The following KPNA3 variants were observed in gnomAD, a reference collection of about 807,000 sequenced individuals.
KPNA3 encodes the protein importin subunit alpha-4.
KPNA3 carries 13 observed loss-of-function variants against 73.8 expected under a neutral mutation model. The ratio of observed to expected loss-of-function variants is 0.18; its 90% CI spans 0.11 to 0.28. KPNA3 has a LOEUF of 0.28. Among genes scored for constraint, KPNA3 ranks in the 10% least tolerant of loss-of-function variants. KPNA3 has a pLI of 1.00. For missense variants in KPNA3, 360 were observed against 618.1 expected, an observed-to-expected ratio of 0.58 and a Z score of 4.43; for synonymous variants, 186 against 206.9, an observed-to-expected ratio of 0.90 and a Z score of 0.87.
rs146735944 is a variant in KPNA3, at chr13:49,701,570, G to C, written c.*230C>G. On this transcript the variant is annotated 3_prime_UTR_variant, in exon 17 of 17. Transcript: ENST00000261667. ...AGGGAAAAATAGGGTAGTTGAGATT[G>C]TTAAGGAGAGTTCTAAAACAGTTTA... 2 of 628,444 alleles carry C rather than the reference G, an allele frequency of 3.2e-6. No homozygotes were observed. The highest frequency in any genetic ancestry group is 1.5e-5 in the South Asian group (1 of 67,082). 38.9% of individuals were successfully genotyped at this position (628,444 alleles called of 1,614,324 possible). A position where few individuals can be genotyped will look rare whatever the true frequency, so the allele number is the denominator to read the frequency against.
chr13:49,727,040 A>C (rs998370545), intron 6 of KPNA3, among the ~76,000 whole-genome samples: 6 of 152,202 alleles, frequency 3.9e-5, no homozygotes, highest in Non-Finnish European at 7.3e-5. Flanking sequence ...CCTTAAGTGG[A>C]ATACCAAGGA....
At chr13:49,787,761 G>C (rs1232882614) in intron 1 of KPNA3, among the ~76,000 whole-genome samples, 1 of 149,144 alleles carries the variant, frequency 6.7e-6, no homozygotes, top group African/African-American at 2.5e-5. Context: ...CTCACTGCAA[G>C]CTCCGCCTCC....
intron 1 of KPNA3, among the ~76,000 whole-genome samples, chr13:49,757,557 G>C (rs1053616656): frequency 1.3e-5 from 2 of 152,102 alleles, no homozygotes; most frequent in African/African-American, 2.4e-5. Flanking sequence ...GGTGAGTATG[G>C]AGAGTTTTCA....
intron 2 of KPNA3, among the ~76,000 whole-genome samples, chr13:49,733,829 CAACA>C (rs1054657389): frequency 6.6e-6 from 1 of 152,126 alleles, no homozygotes; most frequent in African/African-American, 2.4e-5. Flanking sequence ...ACTGTGTGGA[CAACA>C]AACAAGTCCC....
chr13:49,711,132 G>T, intron 10 of KPNA3, 110 bp from the exon 11 acceptor site: 1 of 946,590 alleles, frequency 1.1e-6, no homozygotes, highest in Non-Finnish European at 1.5e-6. Flanking sequence ...TCAAGTTTTA[G>T]CTTAGTGGCA....
intron 1 of KPNA3, among the ~76,000 whole-genome samples, chr13:49,781,668 C>T (rs775994444): frequency 8.5e-5 from 13 of 152,114 alleles, no homozygotes; most frequent in Non-Finnish European, 1.3e-4. Context: ...ACTTGGATCC[C>T]GAGAACTCAT....
intron 10 of KPNA3, among the ~76,000 whole-genome samples, chr13:49,718,617 T>C (rs1954326639): frequency 6.6e-6 from 1 of 152,212 alleles, no homozygotes; most frequent in Non-Finnish European, 1.5e-5. Context: ...AACTTCTGTA[T>C]AAATTTTACT....
chr13:49,740,646 A>C (rs1594445193), intron 2 of KPNA3, among the ~76,000 whole-genome samples: 1 of 152,316 alleles, frequency 6.6e-6, no homozygotes, highest in East Asian at 1.9e-4. Flanking sequence ...GTGTGAGTCC[A>C]ATAAACCTCT....
rs750441189 is a variant in KPNA3, at chr13:49,706,167, C to A, written c.1140G>T (p.Gly380=). The part of the protein sequence containing the change: ...IPMIIHQLAK[G]DFGTQKEAAW... ...CAGCTTCTTTTTGTGTTCCAAAGTC[C>A]CCCTGAAGGTTAAAAATGAGATCAT... The change falls in exon 14 of 17, where the codon GGG becomes GGT. Residue 380 remains glycine (G), a splice_region_variant and synonymous_variant. Coordinates refer to ENST00000261667, the MANE Select transcript of KPNA3 (RefSeq NM_002267.4). 42 of 1,613,446 alleles carry A rather than the reference C, an allele frequency of 2.6e-5. No individual in the cohort carries two copies. In the Middle Eastern group the frequency reaches 9.9e-4, roughly 38 times the overall value.
At chr13:49,739,099 A>G (rs941547429) in intron 2 of KPNA3, among the ~76,000 whole-genome samples, 2 of 152,182 alleles carry the variant, frequency 1.3e-5, no homozygotes, top group African/African-American at 4.8e-5. Flanking sequence ...TTTTTAAAAG[A>G]TCTTTCAAAC....
At chr13:49,792,028 C>G (rs1040656795) in intron 1 of KPNA3, among the ~76,000 whole-genome samples, 1 of 152,156 alleles carries the variant, frequency 6.6e-6, no homozygotes, top group Non-Finnish European at 1.5e-5. Context: ...GAGGGGGCTG[C>G]ACCGGACGGA....
At chr13:49,738,633 T>A (rs1361591287) in intron 2 of KPNA3, among the ~76,000 whole-genome samples, 1 of 152,238 alleles carries the variant, frequency 6.6e-6, no homozygotes, top group Non-Finnish European at 1.5e-5. Flanking sequence ...GTATTGTTTT[T>A]AATTTTGGTT....
chr13:49,702,009 C>T, intron 16 of KPNA3, 111 bp from the exon 17 acceptor site: 1 of 673,134 alleles, frequency 1.5e-6, no homozygotes, highest in Non-Finnish European at 2.6e-6. Flanking sequence ...ATGCTTTAAC[C>T]AACTAAAAAT....
At chr13:49,789,411 C>G (rs1471988693) in intron 1 of KPNA3, among the ~76,000 whole-genome samples, 4 of 152,088 alleles carry the variant, frequency 2.6e-5, no homozygotes, top group Non-Finnish European at 5.9e-5. Flanking sequence ...AATTTTCTTC[C>G]TCAACCCTCT....
At chr13:49,757,252 G>C (rs1474795948) in intron 1 of KPNA3, among the ~76,000 whole-genome samples, 4 of 122,022 alleles carry the variant, frequency 3.3e-5, no homozygotes, top group Non-Finnish European at 5.2e-5. Context: ...AAAAAGAGAA[G>C]CTAGAGACTA....
intron 1 of KPNA3, among the ~76,000 whole-genome samples, chr13:49,777,061 T>C (rs1954903439): frequency 6.6e-6 from 1 of 152,240 alleles, no homozygotes; most frequent in Admixed American, 6.5e-5. Flanking sequence ...CTTCTCAGTC[T>C]ACTGAATTCC....
chr13:49,701,902 T>TA lies in KPNA3; in HGVS notation c.1468-5dup, dbSNP rs1204957137. On this transcript the variant is annotated splice_region_variant and splice_polypyrimidine_tract_variant and intron_variant, in intron 16 of 16. Transcript: ENST00000261667. ...TGAGGCAGGGATCTTCATCAATCTG[T>TA]AAAAAACAAGAAAAAAATCCTTATT... The TA allele has an allele frequency of 1.2e-6, 2 of 1,601,578 alleles. No individual in the cohort carries two copies. The highest frequency in any genetic ancestry group is 1.7e-6 in the Non-Finnish European group (2 of 1,169,106).
Position 49,792,589 on chromosome 13 carries a change from GGGAGAGCGGGAGGGGGGA to G in KPNA3, c.-101_-84del. On this transcript the variant is annotated 5_prime_UTR_variant, in exon 1 of 17. Transcript: ENST00000261667. ...ATCTTGGAGCGGGAGGGGGAGGAGG[GGGAGAGCGGGAGGGGGGA>G]GGGGAGAGAAGAGCACGTTCTGTGA... 2 of 483,112 alleles carry G rather than the reference GGGAGAGCGGGAGGGGGGA, an allele frequency of 4.1e-6. No homozygotes were observed. Among genetic ancestry groups the G allele is most frequent in the South Asian group, 2.1e-5 (1 of 47,036 alleles). 29.9% of individuals were successfully genotyped at this position (483,112 alleles called of 1,614,324 possible).
Position 49,709,527 on chromosome 13 carries a change from G to T in KPNA3, c.1032+45C>A, listed in dbSNP as rs760945419. Reference sequence around the variant, plus strand: ...TAGAAACAAGGAGACAGTTAAAAATGAGACACAGAAAGAAATAGCATAATG... The same window carrying T: ...TAGAAACAAGGAGACAGTTAAAAATTAGACACAGAAAGAAATAGCATAATG... On this transcript the variant is annotated intron_variant, in intron 12 of 16. Coordinates refer to ENST00000261667, the MANE Select transcript of KPNA3 (RefSeq NM_002267.4). 10 of 1,484,310 alleles carry T rather than the reference G, an allele frequency of 6.7e-6. No homozygotes were observed. In the South Asian group the frequency reaches 7.6e-5, roughly 11 times the overall value. The allele number at this position is 1,484,310 out of a possible 1,614,324, so 91.9% of individuals were successfully genotyped here.
Sources: gnomAD v4.1 joint callset for allele counts (sites outside exome capture counted in the v4.1 genomes callset) on GRCh38, gnomAD v4.1.1 for gene constraint, MANE v1.5 for transcripts, NCBI Gene and HGNC (gene_info 2026-07-23, HGNC 2026-07-21) for gene names.